Variants in GALNT17 observed in about 807,000 individuals in gnomAD.
GALNT17 encodes polypeptide N-acetylgalactosaminyltransferase 17, also known as UDP-GalNAc:polypeptide N-acetylgalactosaminyltransferase-like 3.
In GALNT17, 29 loss-of-function variants were observed where a neutral mutation model predicts 63.7. The observed-to-expected ratio is 0.46, with a 90% CI of 0.34 to 0.62. The LOEUF is 0.62. Ranked by LOEUF, GALNT17 falls within the 20% of genes least tolerant of loss-of-function variation. The pLI is 0.01. For missense variants in GALNT17, 603 were observed against 799.6 expected (o/e 0.75, Z 2.97); for synonymous variants, 305 against 318.3 (o/e 0.96, Z 0.45).
chr7:71,453,750 G>A (rs1313197707), intron 5 of GALNT17, among the ~76,000 whole-genome samples: 3 of 152,240 alleles, frequency 2.0e-5, no homozygotes, highest in African/African-American at 7.2e-5. Flanking sequence ...TAAGCCACAT[G>A]TTCAGGATGC....
intron 5 of GALNT17, among the ~76,000 whole-genome samples, chr7:71,521,804 T>A (rs140256655): frequency 3.7e-3 from 570 of 152,304 alleles, no homozygotes; most frequent in Non-Finnish European, 6.0e-3. Context: ...CATTGTCATG[T>A]TTATGACACA....
At chr7:71,285,892 G>T (rs79976421) in intron 1 of GALNT17, among the ~76,000 whole-genome samples, 1,708 of 152,278 alleles carry the variant, frequency 0.011, 17 homozygotes, top group Middle Eastern at 0.027. Context: ...TTGAATTGAG[G>T]ACATTATGAA....
At chr7:71,467,882 G>A (rs1366329550) in intron 5 of GALNT17, among the ~76,000 whole-genome samples, 1 of 152,148 alleles carries the variant, frequency 6.6e-6, no homozygotes, top group Non-Finnish European at 1.5e-5. Context: ...GAGCCAAGGT[G>A]TATTGGCTAG....
At chr7:71,664,461 A>G (rs1178390074) in intron 6 of GALNT17, among the ~76,000 whole-genome samples, 1 of 152,132 alleles carries the variant, frequency 6.6e-6, no homozygotes, top group African/African-American at 2.4e-5. Flanking sequence ...AAATTTAAAA[A>G]TTAACTGGGC....
intron 1 of GALNT17, among the ~76,000 whole-genome samples, chr7:71,281,249 G>T (rs1790772961): frequency 6.6e-6 from 1 of 152,200 alleles, no homozygotes; most frequent in African/African-American, 2.4e-5. Context: ...GATCCTGATG[G>T]AAGGTTTCTC....
At chr7:71,274,581 T>C (rs918058676) in intron 1 of GALNT17, among the ~76,000 whole-genome samples, 10 of 152,166 alleles carry the variant, frequency 6.6e-5, no homozygotes, top group Non-Finnish European at 1.5e-4. Flanking sequence ...TACCCAATGC[T>C]CATTCTGCTT....
chr7:71,374,732 T>G (rs1792688628), intron 2 of GALNT17, among the ~76,000 whole-genome samples: 1 of 152,060 alleles, frequency 6.6e-6, no homozygotes, highest in African/African-American at 2.4e-5. Flanking sequence ...GGAAGGCATT[T>G]TAGATGGACT....
At chr7:71,251,237 A>G (rs561491229) in intron 1 of GALNT17, among the ~76,000 whole-genome samples, 7 of 150,828 alleles carry the variant, frequency 4.6e-5, no homozygotes, top group African/African-American at 1.5e-4. Context: ...TTTGGGGGAA[A>G]TTTGGAAGGT....
intron 6 of GALNT17, among the ~76,000 whole-genome samples, chr7:71,578,409 C>T (rs1322142726): frequency 6.6e-6 from 1 of 152,166 alleles, no homozygotes; most frequent in Non-Finnish European, 1.5e-5. Flanking sequence ...TTATAGCTCA[C>T]TGCAGCCTCC....
chr7:71,279,471 T>C (rs1427610604), intron 1 of GALNT17, among the ~76,000 whole-genome samples: 1 of 152,070 alleles, frequency 6.6e-6, no homozygotes, highest in Non-Finnish European at 1.5e-5. Flanking sequence ...AGCAAGACCG[T>C]ATCAACCTTC....
chr7:71,236,625 T>C (rs1386180741), intron 1 of GALNT17, among the ~76,000 whole-genome samples: 1 of 152,176 alleles, frequency 6.6e-6, no homozygotes, highest in African/African-American at 2.4e-5. Flanking sequence ...GTGTTCCCTC[T>C]GCTGCCAAAC....
At chr7:71,139,808 C>T (rs1365574075) in intron 1 of GALNT17, among the ~76,000 whole-genome samples, 3 of 152,138 alleles carry the variant, frequency 2.0e-5, no homozygotes, top group Admixed American at 2.0e-4. Context: ...GCCTGGCCAA[C>T]ATGGTGAAAC....
At chr7:71,597,360 T>C (rs1330545550) in intron 6 of GALNT17, among the ~76,000 whole-genome samples, 6 of 151,596 alleles carry the variant, frequency 4.0e-5, no homozygotes, top group African/African-American at 1.5e-4. Flanking sequence ...TTTAAATGAT[T>C]AGCTGAGTGC....
chr7:71,166,191 A>G (rs1327057061), intron 1 of GALNT17, among the ~76,000 whole-genome samples: 1 of 152,184 alleles, frequency 6.6e-6, no homozygotes, highest in African/African-American at 2.4e-5. Flanking sequence ...CGCTAAAGGA[A>G]AGTTCTCTGT....
chr7:71,412,132 C>T (rs1206658523), intron 3 of GALNT17, among the ~76,000 whole-genome samples: 1 of 152,118 alleles, frequency 6.6e-6, no homozygotes, highest in East Asian at 1.9e-4. Context: ...ATTCTCTATC[C>T]AGCCCTGTAC....
At chr7:71,417,282 A>G (rs1380486907) in intron 4 of GALNT17, among the ~76,000 whole-genome samples, 2 of 152,220 alleles carry the variant, frequency 1.3e-5, no homozygotes, top group Non-Finnish European at 2.9e-5. Context: ...CAGGATAAAA[A>G]GACAATGTTT....
intron 3 of GALNT17, among the ~76,000 whole-genome samples, chr7:71,406,558 C>T (rs546511156): frequency 1.8e-4 from 27 of 152,066 alleles, no homozygotes; most frequent in African/African-American, 6.3e-4. Flanking sequence ...AATATGCAAC[C>T]GAGTTTCTCC....
intron 6 of GALNT17, among the ~76,000 whole-genome samples, chr7:71,641,859 G>A (rs970750616): frequency 2.0e-5 from 3 of 152,172 alleles, no homozygotes; most frequent in Non-Finnish European, 4.4e-5. Context: ...TGCTGCTGCT[G>A]CTGATGATGA....
At chr7:71,160,974 C>G (rs748801168) in intron 1 of GALNT17, among the ~76,000 whole-genome samples, 3 of 152,080 alleles carry the variant, frequency 2.0e-5, no homozygotes, top group Non-Finnish European at 2.9e-5. Context: ...GCTGGGACTA[C>G]AGGTGCATGC....
Sources: allele counts gnomAD v4.1 joint callset (sites outside exome capture counted in the v4.1 genomes callset), GRCh38; gene constraint gnomAD v4.1.1; transcripts MANE v1.5; gene names NCBI Gene and HGNC (gene_info 2026-07-23, HGNC 2026-07-21).